DPP10: variants seen among roughly 807,000 people sequenced by gnomAD.
DPP10 encodes the protein dipeptidyl peptidase like 10, also known as inactive dipeptidyl peptidase 10.
In DPP10, 33 loss-of-function variants were observed where a neutral mutation model predicts 120.9. The ratio of observed to expected loss-of-function variants is 0.27; its 90% CI spans 0.21 to 0.37. DPP10 has a LOEUF of 0.37. Among genes scored for constraint, DPP10 ranks in the 10% least tolerant of loss-of-function variants. The pLI, the probability that DPP10 is intolerant of heterozygous loss-of-function variation, is 1.00. For synonymous variants in DPP10, 337 were observed against 326.1 expected (o/e 1.03, Z -0.36); for missense variants, 816 against 942.8 (o/e 0.87, Z 1.76).
intron 3 of DPP10, among the ~76,000 whole-genome samples, chr2:115,449,734 T>G (rs1480756924): frequency 6.6e-6 from 1 of 151,972 alleles, no homozygotes; most frequent in Non-Finnish European, 1.5e-5. Flanking sequence ...AGAAAATTAT[T>G]CCCACACTGC....
At chr2:114,479,867 A>T (rs2104669275) in intron 1 of DPP10, among the ~76,000 whole-genome samples, 1 of 152,312 alleles carries the variant, frequency 6.6e-6, no homozygotes, top group East Asian at 1.9e-4. Flanking sequence ...GACAAATGGG[A>T]TCTAATTAAA....
intron 21 of DPP10, among the ~76,000 whole-genome samples, chr2:115,831,725 T>C (rs1422746543): frequency 6.6e-6 from 1 of 152,216 alleles, no homozygotes; most frequent in Non-Finnish European, 1.5e-5. Flanking sequence ...ACATCATGAG[T>C]ATATTTCTTT....
chr2:114,602,901 G>A (rs1003208468), intron 1 of DPP10, among the ~76,000 whole-genome samples: 1 of 152,024 alleles, frequency 6.6e-6, no homozygotes, highest in Admixed American at 6.6e-5. Context: ...ATTTAGCAGT[G>A]TATAAATTTG....
At chr2:114,723,139 T>C (rs1220103173) in intron 1 of DPP10, among the ~76,000 whole-genome samples, 1 of 152,148 alleles carries the variant, frequency 6.6e-6, no homozygotes, top group African/African-American at 2.4e-5. Flanking sequence ...TTCTCACATT[T>C]GGGTGAGGTT....
chr2:114,442,712 G>A lies in DPP10; in HGVS notation c.-67G>A. 1.3e-6 allele frequency: 2 copies of A among 1,592,044 alleles called. No individual in the cohort carries two copies. Among genetic ancestry groups the A allele is most frequent in the Admixed American group, 3.4e-5 (2 of 58,806 alleles). The stretch of plus-strand genomic sequence containing the variant: ...GCAGCCCCTACTGAAGTCCAATAGA[G>A]GAGACTTGATCTCTAGTTCATTCTG... On this transcript the variant is annotated 5_prime_UTR_variant, in exon 1 of 26. Coordinates refer to ENST00000410059, the MANE Select transcript of DPP10 (RefSeq NM_020868.6).
intron 1 of DPP10, among the ~76,000 whole-genome samples, chr2:115,284,714 G>A (rs2060295291): frequency 6.6e-6 from 1 of 151,922 alleles, no homozygotes; most frequent in Non-Finnish European, 1.5e-5. Context: ...AAACATGTGG[G>A]TTATACACCT....
At chr2:115,748,741 T>C (rs770669193) in intron 10 of DPP10, among the ~76,000 whole-genome samples, 15 of 152,252 alleles carry the variant, frequency 9.9e-5, no homozygotes, top group East Asian at 5.8e-4. Context: ...CCAATACTTA[T>C]ACTCACCAAA....
At chr2:114,994,375 T>G (rs1404797079) in intron 1 of DPP10, among the ~76,000 whole-genome samples, 1 of 152,204 alleles carries the variant, frequency 6.6e-6, no homozygotes, top group Non-Finnish European at 1.5e-5. Flanking sequence ...ATAAATTTTA[T>G]TTAAAATGAT....
intron 1 of DPP10, among the ~76,000 whole-genome samples, chr2:114,488,175 G>T (rs1393150859): frequency 6.6e-6 from 1 of 152,144 alleles, no homozygotes. Flanking sequence ...CAATATGTCA[G>T]GGCCCACCTG....
At chr2:114,762,399 AAT>A (rs1227264521) in intron 1 of DPP10, among the ~76,000 whole-genome samples, 2 of 152,242 alleles carry the variant, frequency 1.3e-5, no homozygotes, top group African/African-American at 4.8e-5. Context: ...AAGCTGAAAT[AAT>A]ATGATGTGAA....
At chr2:114,794,792 C>T (rs531490628) in intron 1 of DPP10, among the ~76,000 whole-genome samples, 3 of 152,286 alleles carry the variant, frequency 2.0e-5, no homozygotes, top group East Asian at 3.9e-4. Context: ...TATTTATAAA[C>T]GCATTCTCAG....
intron 7 of DPP10, among the ~76,000 whole-genome samples, chr2:115,695,394 A>C (rs13033832): frequency 6.6e-6 from 1 of 151,952 alleles, no homozygotes; most frequent in Non-Finnish European, 1.5e-5. Context: ...GTAATTTATA[A>C]AGGAAATAGG....
At chr2:114,598,345 T>A (rs1018044442) in intron 1 of DPP10, among the ~76,000 whole-genome samples, 1 of 151,826 alleles carries the variant, frequency 6.6e-6, no homozygotes, top group African/African-American at 2.4e-5. Flanking sequence ...AGAAGGTGAA[T>A]GAATAATTTT....
chr2:115,368,895 A>G (rs558241835), intron 3 of DPP10, among the ~76,000 whole-genome samples: 12 of 152,000 alleles, frequency 7.9e-5, no homozygotes, highest in East Asian at 3.9e-4. Flanking sequence ...CTTCTTTTCT[A>G]TGGTAATATT....
chr2:114,842,849 G>A (rs1474624990), intron 1 of DPP10, among the ~76,000 whole-genome samples: 1 of 149,826 alleles, frequency 6.7e-6, no homozygotes, highest in Non-Finnish European at 1.5e-5. Flanking sequence ...GACCTCACCG[G>A]AGACAAAAAA....
Position 115,172,957 on chromosome 2 carries a change from A to G in DPP10, c.61-136282A>G, listed in dbSNP as rs574561960. Among the ~76,000 whole-genome samples the G allele has an allele frequency of 1.2e-4, 18 of 152,338 alleles. No homozygotes were observed. In the South Asian group the frequency reaches 3.5e-3, roughly 30 times the overall value. On this transcript the variant is annotated intron_variant, in intron 1 of 25. Transcript: ENST00000410059. Reference sequence around the variant, plus strand: ...ATTATATAGAGTCCTCCTGACTCCAAAGCAAACATGGATTGGGAGTTGGTT... The same window carrying G: ...ATTATATAGAGTCCTCCTGACTCCAGAGCAAACATGGATTGGGAGTTGGTT...
intron 1 of DPP10, among the ~76,000 whole-genome samples, chr2:114,859,627 A>T (rs1689652914): frequency 6.6e-6 from 1 of 152,160 alleles, no homozygotes; most frequent in African/African-American, 2.4e-5. Context: ...TCAGTGCCAA[A>T]CGTTTCTCCC....
chr2:114,866,916 T>C (rs541049198), intron 1 of DPP10, among the ~76,000 whole-genome samples: 1 of 152,344 alleles, frequency 6.6e-6, no homozygotes, highest in Admixed American at 6.5e-5. Flanking sequence ...ATGCAGGCTT[T>C]ATCTTTTGCT....
intron 2 of DPP10, among the ~76,000 whole-genome samples, chr2:115,337,855 G>GA (rs1364212485): frequency 2.0e-5 from 3 of 151,224 alleles, no homozygotes; most frequent in South Asian, 2.1e-4. Flanking sequence ...CACAGAAGAA[G>GA]AAAAAAACAA....
Sources: gnomAD v4.1 joint callset for allele counts (sites outside exome capture counted in the v4.1 genomes callset) on GRCh38, gnomAD v4.1.1 for gene constraint, MANE v1.5 for transcripts, NCBI Gene and HGNC (gene_info 2026-07-23, HGNC 2026-07-21) for gene names.